The following KERA variants were observed in gnomAD, a reference collection of about 807,000 sequenced individuals.
KERA encodes keratan sulfate proteoglycan keratocan.
KERA carries 25 observed loss-of-function variants against 26.4 expected under a neutral mutation model. The ratio of observed to expected loss-of-function variants is 0.95; its 90% confidence interval spans 0.69 to 1.32. The LOEUF (loss-of-function observed/expected upper bound fraction) is 1.32, where lower values mean the gene tolerates loss of function less well. KERA is among the 40% of genes most tolerant of loss of function. The pLI is 0.00. For synonymous variants in KERA, 167 were observed against 146.1 expected (o/e 1.14, Z -1.03); for missense variants, 434 against 408.9 (o/e 1.06, Z -0.53).
Position 91,051,428 on chromosome 12 carries a change from CG to C in KERA, c.976del (p.Arg326ValfsTer15). ...TGGTTTGATTTCATTTCCATCCAGA[CG>C]GAGGTAGCGAAGATGAGGTCCATAA... ...FSYGPHLRYL[R>X]LDGNEIKPPI... On this transcript the variant is annotated frameshift_variant, in exon 3 of 3. Transcript: ENST00000266719. LOFTEE classifies it high-confidence loss of function. 1 of 1,611,026 alleles carries C rather than the reference CG, an allele frequency of 6.2e-7. No individual in the cohort carries two copies. Among genetic ancestry groups the C allele is most frequent in the Non-Finnish European group, 8.5e-7 (1 of 1,177,954 alleles).
rs558124919 is a variant in KERA at position 91,055,567 on chromosome 12, C to T, written c.715G>A (p.Val239Met). Reference protein sequence around the residue: ...PENYFNVIPKVAFLRLNHNKL... With the variant: ...PENYFNVIPKMAFLRLNHNKL... ...TTGTGATTTAGTCTCAAAAAGGCCA[C>T]TTTAGGAATCACATTAAAATAATTT... The change falls in exon 2 of 3, where the codon GTG (valine) becomes ATG (methionine). Residue 239 changes from valine to methionine, a missense_variant. Val to Met is a conservative substitution (Grantham distance 21, BLOSUM62 1). Transcript: ENST00000266719. The T allele has an allele frequency of 6.2e-7, 1 of 1,610,680 alleles. No individual in the cohort carries two copies. The highest frequency in any genetic ancestry group is 1.1e-5 in the South Asian group (1 of 90,988).
At chr12:91,055,236 G>A (rs1384162629) in intron 2 of KERA, among the ~76,000 whole-genome samples, 160 bp downstream of exon 2, 6 of 150,918 alleles carry the variant, frequency 4.0e-5, no homozygotes, top group Admixed American at 6.6e-5. Context: ...GACTGTCTGC[G>A]TATAGACAAA....
intron 2 of KERA, among the ~76,000 whole-genome samples, chr12:91,052,846 CATGTCCCATAATCA>C (rs3216597): frequency 0.029 from 4,320 of 151,392 alleles, 115 homozygotes; most frequent in East Asian, 0.13. Context: ...TCATCAAGCT[CATGTCCCATAATCA>C]ATGTATGTCT....
At chr12:91,056,350 T>C (rs1879005851) in intron 1 of KERA, 61 bp from the exon 2 acceptor site, 1 of 1,308,970 alleles carries the variant, frequency 7.6e-7, no homozygotes, top group Non-Finnish European at 1.1e-6. Flanking sequence ...GATAATTTTA[T>C]ACATCAAAAT....
intron 2 of KERA, among the ~76,000 whole-genome samples, chr12:91,054,840 C>T (rs1407330821): frequency 6.6e-6 from 1 of 151,208 alleles, no homozygotes; most frequent in African/African-American, 2.4e-5. Flanking sequence ...TCTCAAGTCT[C>T]ACTCCACATC....
At chr12:91,055,231 T>A (rs1355731696) in intron 2 of KERA, among the ~76,000 whole-genome samples, 165 bp downstream of exon 2, 2 of 151,110 alleles carry the variant, frequency 1.3e-5, no homozygotes, top group African/African-American at 4.8e-5. Flanking sequence ...ATTAAGACTG[T>A]CTGCGTATAG....
chr12:91,053,738 C>G (rs1878921025), intron 2 of KERA, among the ~76,000 whole-genome samples: 1 of 151,276 alleles, frequency 6.6e-6, no homozygotes, highest in Non-Finnish European at 1.5e-5. Context: ...TGGGTCTATA[C>G]TACACACATA....
chr12:91,055,935 G>A lies in KERA; in HGVS notation c.347C>T (p.Ala116Val). The change falls in exon 2 of 3, where the codon GCC becomes GTC. Residue 116 changes from alanine (A) to valine (V), a missense_variant. By Grantham distance (64) the Ala-to-Val change is moderately conservative. Transcript: ENST00000266719. ...GAGCAACTTCTTCAGCTGGCTTAGGGCTCCTTTTTCAATTCCGTAGTTGGT... is the reference window on the plus strand; with the variant it reads ...GAGCAACTTCTTCAGCTGGCTTAGGACTCCTTTTTCAATTCCGTAGTTGGT... ...KITNYGIEKGALSQLKKLLFL... is the reference protein window; with the variant it reads ...KITNYGIEKGVLSQLKKLLFL... 5 of 1,611,038 alleles carry A rather than the reference G, an allele frequency of 3.1e-6. No homozygotes were observed. The South Asian group carries it at 5.5e-5, about 18-fold the overall frequency.
chr12:91,053,185 A>G (rs1459045091), intron 2 of KERA, among the ~76,000 whole-genome samples: 5 of 151,392 alleles, frequency 3.3e-5, no homozygotes. Context: ...ATATTATTAT[A>G]TCAATATTCT....
At chr12:91,057,217 A>T (rs1258713492) in intron 1 of KERA, among the ~76,000 whole-genome samples, 2 of 150,388 alleles carry the variant, frequency 1.3e-5, no homozygotes, top group Non-Finnish European at 3.0e-5. Context: ...AGTGTGGATA[A>T]TGGAAAGTAG....
At chr12:91,054,367 A>T (rs1048401351) in intron 2 of KERA, among the ~76,000 whole-genome samples, 2 of 151,370 alleles carry the variant, frequency 1.3e-5, no homozygotes, top group African/African-American at 4.8e-5. Context: ...ACTGAATATT[A>T]CTTTTGGAAT....
chr12:91,051,022 G>A lies in KERA; in HGVS notation c.*324C>T, dbSNP rs1878851379. 1 of 254,340 alleles carries A rather than the reference G, an allele frequency of 3.9e-6. No individual in the cohort carries two copies. Among genetic ancestry groups the A allele is most frequent in the Non-Finnish European group, 7.8e-6 (1 of 127,996 alleles). The allele number at this position is 254,340 out of a possible 1,614,324, so 15.8% of individuals were successfully genotyped here. ...TAAGTAATTTTAAACATACACAAAT[G>A]TGTCCTTTTTATTGTATAAGAATGT... On this transcript the variant is annotated 3_prime_UTR_variant, in exon 3 of 3. Coordinates refer to ENST00000266719, the MANE Select transcript of KERA (RefSeq NM_007035.4).
rs754279432 is a variant in KERA, at chr12:91,055,958, G to C, written c.324C>G (p.Thr108=). ...RWINLNKNKI[T]NYGIEKGALS... ...GGGCTCCTTTTTCAATTCCGTAGTT[G>C]GTTATTTTGTTCTTGTTTAGATTTA... Residue 108 remains threonine (T), a synonymous_variant, in exon 2 of 3, where the codon ACC becomes ACG. Coordinates refer to ENST00000266719, the MANE Select transcript of KERA (RefSeq NM_007035.4). 41 of 1,610,794 alleles carry C rather than the reference G, an allele frequency of 2.5e-5. No homozygotes were observed. The South Asian group carries it at 4.0e-4, about 16-fold the overall frequency.
Position 91,056,118 on chromosome 12 carries a change from G to C in KERA, c.164C>G (p.Ala55Gly), listed in dbSNP as rs1438623080. Reference protein sequence around the residue: ...ECFCPPSFPTALYCENRGLKE... With the variant: ...ECFCPPSFPTGLYCENRGLKE... ...GAGACCTCTATTTTCACAATATAAA[G>C]CAGTAGGAAAACTGGGTGGGCAGAA... is the stretch of plus-strand genomic sequence containing the variant. Residue 55 changes from alanine to glycine, a missense_variant, in exon 2 of 3, where the codon GCT becomes GGT. Physicochemically the swap from Ala to Gly is moderately conservative, Grantham distance 60. Transcript: ENST00000266719. 1 of 1,610,064 alleles carries C rather than the reference G, an allele frequency of 6.2e-7. No homozygotes were observed. The highest frequency in any genetic ancestry group is 8.5e-7 in the Non-Finnish European group (1 of 1,177,824).
chr12:91,051,657 G>A, intron 2 of KERA, 139 bp from the exon 3 acceptor site: 1 of 681,302 alleles, frequency 1.5e-6, no homozygotes, highest in Non-Finnish European at 2.6e-6. Context: ...CAAAACATTT[G>A]TGTCAGTGAG....
intron 2 of KERA, among the ~76,000 whole-genome samples, chr12:91,054,530 T>A (rs1413437439): frequency 2.0e-5 from 3 of 151,302 alleles, no homozygotes; most frequent in Admixed American, 2.0e-4. Context: ...GTCTCATGCA[T>A]AATTGTGAAG....
intron 2 of KERA, among the ~76,000 whole-genome samples, chr12:91,053,431 C>T (rs1048772224): frequency 1.3e-5 from 2 of 151,230 alleles, no homozygotes; most frequent in African/African-American, 4.8e-5. Flanking sequence ...GGGCAAATAT[C>T]CTCCCCTAGC....
Position 91,056,180 on chromosome 12 carries a change from A to T in KERA, c.102T>A (p.Asp34Glu). 2 of 1,610,260 alleles carry T rather than the reference A, an allele frequency of 1.2e-6. No homozygotes were observed. The highest frequency in any genetic ancestry group is 1.7e-6 in the Non-Finnish European group (2 of 1,177,650). Residue 34 changes from aspartate (D) to glutamate (E), a missense_variant, in exon 2 of 3, where the codon GAT (aspartate) becomes GAA (glutamate). By Grantham distance (45) the Asp-to-Glu change is conservative (BLOSUM62 2). Coordinates refer to ENST00000266719, the MANE Select transcript of KERA (RefSeq NM_007035.4). ...GACACTCGAAGTCATGAATAGTCCA[A>T]TCATCTGAATCATGTACTTCATAGA... ...RQVYEVHDSD[D>E]WTIHDFECPM...
At chr12:91,052,803 ATATG>A (rs1878899113) in intron 2 of KERA, among the ~76,000 whole-genome samples, 1 of 151,424 alleles carries the variant, frequency 6.6e-6, no homozygotes, top group African/African-American at 2.4e-5. Flanking sequence ...GCCCAAAAGA[ATATG>A]TCCCTTTCGA....
Sources: gnomAD v4.1 joint callset for allele counts (sites outside exome capture counted in the v4.1 genomes callset) on GRCh38, gnomAD v4.1.1 for gene constraint, MANE v1.5 for transcripts, NCBI Gene and HGNC (gene_info 2026-07-23, HGNC 2026-07-21) for gene names.